CNTN6: variants seen among roughly 807,000 people sequenced by gnomAD.
CNTN6 encodes the protein contactin-6.
In CNTN6, 137 loss-of-function variants were observed where a neutral mutation model predicts 122.8. The ratio of observed to expected loss-of-function variants is 1.12; its 90% confidence interval spans 0.97 to 1.29. The LOEUF is 1.29. Among genes scored for constraint, CNTN6 ranks in the 50% most tolerant of loss-of-function variants. The probability of loss-of-function intolerance (pLI) is 0.00; values close to 1 mark genes in which losing one functional copy is unlikely to be tolerated. For synonymous variants in CNTN6, 570 were observed against 426.0 expected (o/e 1.34, Z -4.16); for missense variants, 1,634 against 1,223.4 (o/e 1.34, Z -5.01).
rs4605522 is a variant in CNTN6 at position 1,128,064 on chromosome 3, C to T, written c.-82-19863C>T. Among the ~76,000 whole-genome samples, 55 of 152,018 alleles carry T rather than the reference C, an allele frequency of 3.6e-4. No homozygotes were observed. In the East Asian group the frequency reaches 7.9e-3, roughly 22 times the overall value. The stretch of plus-strand genomic sequence containing the variant: ...CAACTAGAATTACACAATTGGCTTC[C>T]GTTTTGCTACTTGAAGCTCCCACCT... On this transcript the variant is annotated intron_variant, in intron 1 of 22. Coordinates refer to ENST00000446702, the MANE Select transcript of CNTN6 (RefSeq NM_001289080.2).
chr3:1,127,668 A>T (rs1036123156), intron 1 of CNTN6, among the ~76,000 whole-genome samples: 3 of 151,966 alleles, frequency 2.0e-5, no homozygotes, highest in Non-Finnish European at 2.9e-5. Flanking sequence ...TACTTTCTGA[A>T]TCTGTTACTT....
intron 1 of CNTN6, among the ~76,000 whole-genome samples, chr3:1,139,554 C>T (rs2092561925): frequency 6.6e-6 from 1 of 151,992 alleles, no homozygotes; most frequent in Non-Finnish European, 1.5e-5. Context: ...ATCACCTAAC[C>T]CAGGTCACGA....
chr3:1,163,742 TGTCAATGCG>T (rs1462799877), intron 2 of CNTN6, among the ~76,000 whole-genome samples: 2 of 152,228 alleles, frequency 1.3e-5, no homozygotes, highest in Non-Finnish European at 2.9e-5. Context: ...TCTGCCTGTC[TGTCAATGCG>T]GTCAATCAGT....
intron 4 of CNTN6, among the ~76,000 whole-genome samples, chr3:1,245,738 CA>C (rs2094574152): frequency 6.6e-6 from 1 of 151,486 alleles, no homozygotes; most frequent in African/African-American, 2.4e-5. Context: ...ATAAGAAAGC[CA>C]AAAACAAACA....
At chr3:1,098,943 C>G (rs995373370) in intron 1 of CNTN6, among the ~76,000 whole-genome samples, 3 of 150,430 alleles carry the variant, frequency 2.0e-5, no homozygotes, top group African/African-American at 7.3e-5. Flanking sequence ...AATGAAAATA[C>G]TAATACAATA....
chr3:1,214,321 T>C (rs1249181023), intron 2 of CNTN6, among the ~76,000 whole-genome samples: 2 of 143,162 alleles, frequency 1.4e-5, no homozygotes, highest in African/African-American at 5.2e-5. Context: ...TTTTTTTTTT[T>C]TTTTGAGACG....
At chr3:1,284,549 T>G (rs923519830) in intron 5 of CNTN6, among the ~76,000 whole-genome samples, 2 of 152,286 alleles carry the variant, frequency 1.3e-5, no homozygotes, top group African/African-American at 4.8e-5. Context: ...CAACAAATAT[T>G]TATTATGTAG....
chr3:1,309,065 T>C (rs73004688), intron 7 of CNTN6, among the ~76,000 whole-genome samples: 5,982 of 152,246 alleles, frequency 0.039, 166 homozygotes, highest in Middle Eastern at 0.095. Context: ...TGCCAATATT[T>C]TCTCCCAGTC....
intron 7 of CNTN6, among the ~76,000 whole-genome samples, chr3:1,308,499 AT>A (rs1235780971): frequency 2.6e-5 from 4 of 152,150 alleles, no homozygotes; most frequent in South Asian, 4.1e-4. Flanking sequence ...CTGGAGTGTC[AT>A]TTATTTAGGC....
chr3:1,292,920 A>G (rs977983043), intron 5 of CNTN6, among the ~76,000 whole-genome samples: 5 of 151,220 alleles, frequency 3.3e-5, no homozygotes, highest in African/African-American at 9.7e-5. Flanking sequence ...CACACACACA[A>G]AGTTCCCACA....
At chr3:1,393,791 A>T (rs886650690) in intron 20 of CNTN6, among the ~76,000 whole-genome samples, 1 of 152,134 alleles carries the variant, frequency 6.6e-6, no homozygotes, top group African/African-American at 2.4e-5. Flanking sequence ...TGAACTAATC[A>T]TTTACCTCAG....
rs142708257 is a variant in CNTN6, at chr3:1,156,843, G to T, written c.55+8780G>T. On this transcript the variant is annotated intron_variant, in intron 2 of 22. Transcript: ENST00000446702. ...AACAATCCTCCTACCTCAGCCTCCT[G>T]AGTAGCTGGGACTATAAGCATGCAC... Among the ~76,000 whole-genome samples the T allele has an allele frequency of 8.7e-3, 1,325 of 152,040 alleles. 13 individuals are homozygous for T. The highest frequency in any genetic ancestry group is 0.03 in the African/African-American group (1,248 of 41,490).
rs567951534 is a variant in CNTN6, at chr3:1,141,511, T to A, written c.-82-6416T>A. Among the ~76,000 whole-genome samples the A allele has an allele frequency of 4.6e-5, 7 of 152,332 alleles. No individual in the cohort carries two copies. The East Asian group carries it at 7.7e-4, about 17-fold the overall frequency. ...TTCCTCCTTGACCATTCTACTGCCC[T>A]GTACTTGAACAGCAATAACCAAAGC... On this transcript the variant is annotated intron_variant, in intron 1 of 22. Coordinates refer to ENST00000446702, the MANE Select transcript of CNTN6 (RefSeq NM_001289080.2).
At chr3:1,301,494 A>G (rs2125891422) in intron 7 of CNTN6, among the ~76,000 whole-genome samples, 1 of 152,372 alleles carries the variant, frequency 6.6e-6, no homozygotes, top group Non-Finnish European at 1.5e-5. Context: ...TTATGCAGGA[A>G]ATAACCGTTG....
chr3:1,158,830 A>G (rs1307467611), intron 2 of CNTN6, among the ~76,000 whole-genome samples: 14,961 of 128,554 alleles, frequency 0.12, 1,463 homozygotes, highest in African/African-American at 0.22. Context: ...ACACATATAT[A>G]TACACACACA....
chr3:1,118,098 T>C (rs2091800803), intron 1 of CNTN6, among the ~76,000 whole-genome samples: 2 of 152,286 alleles, frequency 1.3e-5, no homozygotes, highest in South Asian at 4.1e-4. Flanking sequence ...AATTATATGC[T>C]CCGTACTTAG....
At chr3:1,160,792 C>T (rs1032957849) in intron 2 of CNTN6, among the ~76,000 whole-genome samples, 1 of 151,774 alleles carries the variant, frequency 6.6e-6, no homozygotes, top group African/African-American at 2.4e-5. Flanking sequence ...CATATTTAGC[C>T]AGGGTGTGCT....
At chr3:1,099,265 C>T (rs1333980220) in intron 1 of CNTN6, among the ~76,000 whole-genome samples, 3 of 152,086 alleles carry the variant, frequency 2.0e-5, no homozygotes, top group Admixed American at 1.3e-4. Context: ...TCCTGGCTAA[C>T]ACGGTGAAAC....
rs763516578 is a variant in CNTN6 at position 1,385,693 on chromosome 3, C to T, written c.2600C>T (p.Thr867Met). The T allele has an allele frequency of 3.1e-5, 50 of 1,613,896 alleles. No homozygotes were observed. Among genetic ancestry groups the T allele is most frequent in the Non-Finnish European group, 3.6e-5 (43 of 1,179,904 alleles). Reference sequence around the variant, plus strand: ...GGAAATGTCACAACCAAAAACATCACGGGGCTGAAAGCTAATACCATCTAC... The same window carrying T: ...GGAAATGTCACAACCAAAAACATCATGGGGCTGAAAGCTAATACCATCTAC... ...VSGNVTTKNITGLKANTIYFA... is the reference protein window; with the variant it reads ...VSGNVTTKNIMGLKANTIYFA... Residue 867 changes from threonine to methionine, a missense_variant, in exon 20 of 23, where the codon ACG (threonine) becomes ATG (methionine). Coordinates refer to ENST00000446702, the MANE Select transcript of CNTN6 (RefSeq NM_001289080.2).
Sources: gnomAD v4.1 joint callset for allele counts (sites outside exome capture counted in the v4.1 genomes callset) on GRCh38, gnomAD v4.1.1 for gene constraint, MANE v1.5 for transcripts, NCBI Gene and HGNC (gene_info 2026-07-23, HGNC 2026-07-21) for gene names.